The following IDUA variants were observed in gnomAD, a reference collection of about 807,000 sequenced individuals.
The protein encoded by IDUA is alpha-L-iduronidase.
IDUA carries 65 observed loss-of-function variants against 68.9 expected under a neutral mutation model. That is an observed-to-expected ratio of 0.94 (90% CI 0.77 to 1.16). The LOEUF is 1.16. IDUA is among the 50% of genes most tolerant of loss of function. IDUA has a pLI of 0.00. For missense variants in IDUA, 1,046 were observed against 938.0 expected (o/e 1.12, Z -1.50); for synonymous variants, 529 against 433.6 (o/e 1.22, Z -2.73).
At chr4:1,003,320 C>T in intron 10 of IDUA, 25 bp from the exon 11 acceptor site, 3 of 1,440,704 alleles carry the variant, frequency 2.1e-6, no homozygotes, top group Non-Finnish European at 2.7e-6. Context: ...CCTGGAGAAC[C>T]CTGAGGACCG....
In IDUA at chr4:1,003,607, A is replaced by T. The variant is rs753905054; in HGVS notation, c.1709A>T (p.Asp570Val). ...GGGCAGCTGGTTCTGGTCTGGTCGG[A>T]TGAACACGTGGGCTCCAAGTGCGTG... Reference protein sequence around the residue: ...TQGQLVLVWSDEHVGSKCLWT... With the variant: ...TQGQLVLVWSVEHVGSKCLWT... Residue 570 changes from aspartate (D) to valine (V), a missense_variant, in exon 12 of 14, where the codon GAT becomes GTT. Physicochemically the swap from Asp to Val is radical, Grantham distance 152. Coordinates refer to ENST00000514224, the MANE Select transcript of IDUA (RefSeq NM_000203.5). 6 of 1,612,240 alleles carry T rather than the reference A, an allele frequency of 3.7e-6. No homozygotes were observed. The highest frequency in any genetic ancestry group is 5.1e-6 in the Non-Finnish European group (6 of 1,179,770).
At position 1,002,059 on chromosome 4, in the gene IDUA, C is replaced by A. The variant is rs1715117568; in HGVS notation, c.870C>A (p.Phe290Leu). Residue 290 changes from phenylalanine to leucine, a missense_variant, in exon 7 of 14, where the codon TTC becomes TTA. Physicochemically the swap from Phe to Leu is conservative, Grantham distance 22. Transcript: ENST00000514224. ...AQQIRQLFPK[F>L]ADTPIYNDEA... The stretch of plus-strand genomic sequence containing the variant: ...AGATCCGGCAGCTCTTCCCCAAGTT[C>A]GCGGACACCCCCATTTACAACGACG... 1.3e-6 allele frequency: 2 copies of A among 1,595,656 alleles called. No individual in the cohort carries two copies. The highest frequency in any genetic ancestry group is 1.7e-6 in the Non-Finnish European group (2 of 1,172,796).
chr4:1,004,366 AG>A lies in IDUA; in HGVS notation c.1938del (p.Pro648HisfsTer?), dbSNP rs570293502. 1.9e-6 allele frequency: 3 copies of A among 1,611,206 alleles called. No homozygotes were observed. The highest frequency in any genetic ancestry group is 2.2e-5 in the South Asian group (2 of 91,050). ...CGTACCTGGAGGTCCCTGTGCCAAG[AG>A]GGCCCCCATCCCCGGGCAATCCATG... ...VPYLEVPVPR[G>X]PPSPGNP On this transcript the variant is annotated frameshift_variant, in exon 14 of 14. Coordinates refer to ENST00000514224, the MANE Select transcript of IDUA (RefSeq NM_000203.5). LOFTEE classifies it low-confidence loss of function (END_TRUNC). The surrounding 1 kb of genome is among the most constrained non-coding windows in gnomAD (Gnocchi z 5.0).
chr4:1,000,514 T>C, intron 2 of IDUA, 98 bp from the exon 3 acceptor site: 1 of 963,858 alleles, frequency 1.0e-6, no homozygotes, highest in Non-Finnish European at 1.7e-6. Context: ...GTGTGGCACC[T>C]TGCAGGCTCC....
intron 2 of IDUA, chr4:991,903 G>T: frequency 8.6e-7 from 1 of 1,158,576 alleles, no homozygotes; most frequent in Non-Finnish European, 1.2e-6. Context: ...CGGTATGGAT[G>T]GACGCTGGGC....
intron 1 of IDUA, 128 bp downstream of exon 1, chr4:987,370 GC>G: frequency 4.2e-6 from 4 of 957,288 alleles, no homozygotes; most frequent in Admixed American, 3.0e-5. Context: ...TCCCGGGCCC[GC>G]CCCCCGCCGT....
In IDUA at chr4:1,003,736, C is replaced by A. The variant is rs141046991; in HGVS notation, c.1727+111C>A. 343 of 1,231,606 alleles carry A rather than the reference C, an allele frequency of 2.8e-4. No individual in the cohort carries two copies. In the African/African-American group the frequency reaches 4.6e-3, roughly 16 times the overall value. 76.3% of individuals were successfully genotyped at this position (1,231,606 alleles called of 1,614,324 possible). On this transcript the variant is annotated intron_variant, in intron 12 of 13. Transcript: ENST00000514224. ...CCACTTGCCGTGGCCCATCGGCTCCCTCCCTCGCCGCCCTGCGTCCCTGCC... is the reference window on the plus strand; with the variant it reads ...CCACTTGCCGTGGCCCATCGGCTCCATCCCTCGCCGCCCTGCGTCCCTGCC...
Position 1,002,750 on chromosome 4 carries a change from C to T in IDUA, c.1208C>T (p.Ala403Val), listed in dbSNP as rs1253435204. 2.0e-6 allele frequency: 3 copies of T among 1,477,858 alleles called. No homozygotes were observed. The African/African-American group carries it at 4.4e-5, about 22-fold the overall frequency. The allele number at this position is 1,477,858 out of a possible 1,614,324, so 91.5% of individuals were successfully genotyped here. Residue 403 changes from alanine (A) to valine (V), a missense_variant, in exon 9 of 14, where the codon GCC (alanine) becomes GTC (valine). Coordinates refer to ENST00000514224, the MANE Select transcript of IDUA (RefSeq NM_000203.5). ...CCCGCAGATGAGGAGCAGCTCTGGG[C>T]CGAAGTGTCGCAGGCCGGGACCGTC... is the stretch of plus-strand genomic sequence containing the variant. ...LALLDEEQLW[A>V]EVSQAGTVLD...
rs1577508801 is a variant in IDUA, at chr4:987,828, C to T, written c.178C>T (p.Gln60Ter). 1 of 1,612,512 alleles carries T rather than the reference C, an allele frequency of 6.2e-7. No homozygotes were observed. The highest frequency in any genetic ancestry group is 2.2e-5 in the East Asian group (1 of 44,874). The change falls in exon 2 of 14, where the codon CAG becomes TAG. Residue 60 changes from glutamine (Q) to a stop codon, truncating the protein, a stop_gained. Transcript: ENST00000514224. LOFTEE classifies it high-confidence loss of function. ...TGFCPPLPHS[Q>*]ADQYVLSWDQ... Reference sequence around the variant, plus strand: ...CCCCAGCCCCCCGCTGCCACACAGCCAGGCTGACCAGTACGTCCTCAGCTG... The same window carrying T: ...CCCCAGCCCCCCGCTGCCACACAGCTAGGCTGACCAGTACGTCCTCAGCTG...
In IDUA at chr4:1,004,383, G is replaced by A. The variant is rs750609855; in HGVS notation, c.1952G>A (p.Gly651Asp). 1 of 1,610,436 alleles carries A rather than the reference G, an allele frequency of 6.2e-7. No homozygotes were observed. Among genetic ancestry groups the A allele is most frequent in the Non-Finnish European group, 8.5e-7 (1 of 1,179,952 alleles). The change falls in exon 14 of 14, where the codon GGC becomes GAC. Residue 651 changes from glycine (G) to aspartate (D), a missense_variant. By Grantham distance (94) the Gly-to-Asp change is moderately conservative (BLOSUM62 -1). Coordinates refer to ENST00000514224, the MANE Select transcript of IDUA (RefSeq NM_000203.5). This position sits in a 1 kb window ranked among gnomAD's most constrained non-coding sequence, Gnocchi z 5.0. ...VPVPRGPPSPGNP is the reference protein window; with the variant it reads ...VPVPRGPPSPDNP ...GTGCCAAGAGGGCCCCCATCCCCGGGCAATCCATGAGCCTGTGCTGAGCCC... is the reference window on the plus strand; with the variant it reads ...GTGCCAAGAGGGCCCCCATCCCCGGACAATCCATGAGCCTGTGCTGAGCCC...
Position 1,004,428 on chromosome 4 carries a change from C to T in IDUA, c.*35C>T, listed in dbSNP as rs373448614. The T allele has an allele frequency of 8.1e-5, 130 of 1,605,834 alleles. No individual in the cohort carries two copies. The highest frequency in any genetic ancestry group is 4.3e-4 in the Middle Eastern group (2 of 4,626). On this transcript the variant is annotated 3_prime_UTR_variant, in exon 14 of 14. Transcript: ENST00000514224. The surrounding 1 kb of genome is among the most constrained non-coding windows in gnomAD (Gnocchi z 5.0). ...GAGCCCCAGTGGGTTGCACCTCCACCGGCAGTCAGCGAGCTGGGGCTGCAC... is the reference window on the plus strand; with the variant it reads ...GAGCCCCAGTGGGTTGCACCTCCACTGGCAGTCAGCGAGCTGGGGCTGCAC...
rs370006108 is a variant in IDUA at position 996,142 on chromosome 4, A to G, written c.300-4470A>G. 1.7e-4 allele frequency among the ~76,000 whole-genome samples: 26 copies of G among 152,210 alleles called. No homozygotes were observed. The East Asian group carries it at 3.3e-3, about 19-fold the overall frequency. On this transcript the variant is annotated intron_variant, in intron 2 of 13. Transcript: ENST00000514224. ...GAGCCCTTGCTTCCACCCCAGCCCA[A>G]CCTGGGCCCCAGTGGTCCCTGGGAA...
rs988935104 is a variant in IDUA at position 987,696 on chromosome 4, A to G, written c.159-113A>G. 34 of 1,541,236 alleles carry G rather than the reference A, an allele frequency of 2.2e-5. No individual in the cohort carries two copies. The Middle Eastern group carries it at 6.6e-4, about 30-fold the overall frequency. On this transcript the variant is annotated intron_variant, in intron 1 of 13. Transcript: ENST00000514224. ...GGTCATTTTATTAGTCACTGAACGC[A>G]CGGGCAGCGCCTGGATCCTGCGCCC...
intron 2 of IDUA, among the ~76,000 whole-genome samples, chr4:995,508 G>A (rs1714693021): frequency 6.6e-6 from 1 of 152,238 alleles, no homozygotes; most frequent in Non-Finnish European, 1.5e-5. Context: ...GAGGCCAGGA[G>A]GCTGCGGTGG....
Position 1,002,142 on chromosome 4 carries a change from A to T in IDUA, c.953A>T (p.Tyr318Phe). 6.4e-7 allele frequency: 1 copy of T among 1,560,060 alleles called. No individual in the cohort carries two copies. The highest frequency in any genetic ancestry group is 8.7e-7 in the Non-Finnish European group (1 of 1,152,372). The change falls in exon 7 of 14, where the codon TAC (tyrosine) becomes TTC (phenylalanine). Residue 318 changes from tyrosine (Y) to phenylalanine (F), a missense_variant. Tyr to Phe is a conservative substitution (Grantham distance 22, BLOSUM62 3). Coordinates refer to ENST00000514224, the MANE Select transcript of IDUA (RefSeq NM_000203.5). ...LPQPWRADVTYAAMVVKVIAQ... is the reference protein window; with the variant it reads ...LPQPWRADVTFAAMVVKVIAQ... ...CAGCCGTGGAGGGCGGACGTGACCTACGCGGCCATGGTGGTGAAGGTGGGC... is the reference window on the plus strand; with the variant it reads ...CAGCCGTGGAGGGCGGACGTGACCTTCGCGGCCATGGTGGTGAAGGTGGGC...
At chr4:1,003,310 C>T (rs1331306926) in intron 10 of IDUA, 35 bp from the exon 11 acceptor site, 4 of 1,422,524 alleles carry the variant, frequency 2.8e-6, no homozygotes, top group Non-Finnish European at 3.6e-6. Flanking sequence ...CCCCAGCTCC[C>T]CTGGAGAACC....
intron 2 of IDUA, among the ~76,000 whole-genome samples, chr4:994,472 C>T (rs1033667987): frequency 2.0e-5 from 3 of 146,548 alleles, no homozygotes; most frequent in African/African-American, 5.1e-5. Context: ...GAGTTTCGCT[C>T]TGTTGCCCAG....
chr4:989,634 G>T lies in IDUA; in HGVS notation c.299+1685G>T. 6.3e-7 allele frequency: 1 copy of T among 1,597,364 alleles called. No homozygotes were observed. Among genetic ancestry groups the T allele is most frequent in the Non-Finnish European group, 8.5e-7 (1 of 1,173,468 alleles). On this transcript the variant is annotated intron_variant, in intron 2 of 13. Coordinates refer to ENST00000514224, the MANE Select transcript of IDUA (RefSeq NM_000203.5). Reference sequence around the variant, plus strand: ...AGGCCAGCACGCTTCGCTGTAGGTCGTGGAACAGCGGTGCCAGCGCCAGCA... The same window carrying T: ...AGGCCAGCACGCTTCGCTGTAGGTCTTGGAACAGCGGTGCCAGCGCCAGCA...
intron 2 of IDUA, chr4:992,588 A>ATAC: frequency 6.0e-5 from 12 of 199,938 alleles, no homozygotes; most frequent in South Asian, 8.2e-5. Flanking sequence ...CTGGGACGTG[A>ATAC]GGCGCCCTTT....
Sources: allele counts gnomAD v4.1 joint callset (sites outside exome capture counted in the v4.1 genomes callset), GRCh38; gene constraint gnomAD v4.1.1; non-coding constraint Gnocchi (gnomAD v3.1); transcripts MANE v1.5; gene names NCBI Gene and HGNC (gene_info 2026-07-23, HGNC 2026-07-21).